The following MAST4 variants were observed in gnomAD, a reference collection of about 807,000 sequenced individuals.
MAST4 encodes microtubule-associated serine/threonine-protein kinase 4.
A neutral mutation model predicts 162.7 loss-of-function variants in MAST4; 89 were observed. That is an observed-to-expected ratio of 0.55 (90% CI 0.46 to 0.65). The LOEUF (loss-of-function observed/expected upper bound fraction) is 0.65, where lower values mean the gene tolerates loss of function less well. Ranked by LOEUF, MAST4 falls within the 30% of genes least tolerant of loss-of-function variation. The probability of loss-of-function intolerance (pLI) is 0.00; values close to 1 mark genes in which losing one functional copy is unlikely to be tolerated. For synonymous variants in MAST4, 1,479 were observed against 1,361.1 expected (o/e 1.09, Z -1.91); for missense variants, 3,153 against 3,374.0 (o/e 0.93, Z 1.62).
intron 9 of MAST4, 98 bp downstream of exon 9, chr5:67,102,709 T>C: frequency 1.1e-6 from 1 of 903,050 alleles, no homozygotes; most frequent in Non-Finnish European, 1.8e-6. Flanking sequence ...AAGGGTCCAA[T>C]CTAGTAATGA....
chr5:66,778,544 GT>G (rs1754706631), intron 2 of MAST4, among the ~76,000 whole-genome samples: 1 of 152,110 alleles, frequency 6.6e-6, no homozygotes, highest in Non-Finnish European at 1.5e-5. Context: ...AGAAGAAATA[GT>G]TTTTTTATGA....
chr5:66,983,602 A>C (rs1315674392), intron 4 of MAST4, among the ~76,000 whole-genome samples: 1 of 152,150 alleles, frequency 6.6e-6, no homozygotes, highest in Non-Finnish European at 1.5e-5. Context: ...TTTGAGGATC[A>C]TTAAGTACCA....
intron 1 of MAST4, among the ~76,000 whole-genome samples, chr5:66,717,707 T>C (rs547536007): frequency 2.0e-5 from 3 of 152,360 alleles, no homozygotes; most frequent in African/African-American, 7.2e-5. Context: ...CTTTCTAGCA[T>C]TGAAGTCTAA....
At position 67,169,200 on chromosome 5, in the gene MAST4, T is replaced by C. The variant is rs1774357270; in HGVS notation, c.*2149T>C. ...CAATTTCCTTTAAAGCACAACTAGC[T>C]ATTTGTTTACAAATGATATTTTTAT... is the stretch of plus-strand genomic sequence containing the variant. On this transcript the variant is annotated 3_prime_UTR_variant, in exon 29 of 29. Transcript: ENST00000403625. The C allele has an allele frequency of 6.6e-6, 1 of 152,268 alleles. No individual in the cohort carries two copies. The highest frequency in any genetic ancestry group is 2.4e-5 in the African/African-American group (1 of 41,476). 9.4% of individuals were successfully genotyped at this position (152,268 alleles called of 1,614,324 possible). A position where few individuals can be genotyped will look rare whatever the true frequency, so the allele number is the denominator to read the frequency against.
chr5:66,845,092 TATATATATATATATATATA>T lies in MAST4; in HGVS notation c.643-54858_643-54840del, dbSNP rs1561375751. 3.3e-4 allele frequency among the ~76,000 whole-genome samples: 22 copies of T among 66,130 alleles called. No individual in the cohort carries two copies. In the East Asian group the frequency reaches 0.013, roughly 39 times the overall value. 43.4% of individuals were successfully genotyped at this position (66,130 alleles called of 152,430 possible). A position where few individuals can be genotyped will look rare whatever the true frequency, so the allele number is the denominator to read the frequency against. On this transcript the variant is annotated intron_variant, in intron 3 of 28. Transcript: ENST00000403625. Reference sequence around the variant, plus strand: ...CATTAAGGTCACTAATCTTTATATATATATATATATATATATATATATATATATATATATACACACACAC... The same window carrying T: ...CATTAAGGTCACTAATCTTTATATATTATATATATATATATACACACACAC...
chr5:66,916,318 A>G (rs1391018240), intron 4 of MAST4, among the ~76,000 whole-genome samples: 3 of 152,152 alleles, frequency 2.0e-5, no homozygotes. Context: ...GCTGATACAC[A>G]GGGGGGAAAG....
At chr5:66,610,493 C>CTGTTTTCCCCT (rs11273208) in intron 1 of MAST4, among the ~76,000 whole-genome samples, 1 of 151,744 alleles carries the variant, frequency 6.6e-6, no homozygotes, top group African/African-American at 2.4e-5. Flanking sequence ...GTTTTACACC[C>CTGTTTTCCCCT]GAGAGGTTGA....
At position 67,165,197 on chromosome 5, in the gene MAST4, G is replaced by A. The variant is rs766974758; in HGVS notation, c.6018G>A (p.Ala2006=). 1.9e-5 allele frequency: 31 copies of A among 1,609,466 alleles called. No individual in the cohort carries two copies. Among genetic ancestry groups the A allele is most frequent in the East Asian group, 6.7e-5 (3 of 44,766 alleles). ...TGGAACTGTGCTTTCCAGAAACTGC[G>A]AAAACCAGTGACAACTCCAAAAATC... ...PSMELCFPET[A]KTSDNSKNLL... is the part of the protein sequence containing the mutation. Residue 2006 remains alanine (A), a synonymous_variant, in exon 29 of 29, where the codon GCG becomes GCA. Transcript: ENST00000403625.
At chr5:66,705,303 A>G (rs1172269571) in intron 1 of MAST4, among the ~76,000 whole-genome samples, 1 of 152,254 alleles carries the variant, frequency 6.6e-6, no homozygotes, top group Non-Finnish European at 1.5e-5. Context: ...GAGCATGTTT[A>G]GAATGATAAC....
chr5:66,797,716 G>A (rs1755720461), intron 3 of MAST4, among the ~76,000 whole-genome samples: 1 of 152,166 alleles, frequency 6.6e-6, no homozygotes, highest in Admixed American at 6.5e-5. Flanking sequence ...ACCTGCAGGT[G>A]TCTGGGAAAA....
chr5:66,847,751 G>A (rs1002020513), intron 3 of MAST4, among the ~76,000 whole-genome samples: 11 of 144,156 alleles, frequency 7.6e-5, no homozygotes, highest in Non-Finnish European at 1.4e-4. Flanking sequence ...AACTAGGGAG[G>A]CGGAAGTTGC....
chr5:66,861,834 C>A (rs994392219), intron 3 of MAST4, among the ~76,000 whole-genome samples: 3 of 152,136 alleles, frequency 2.0e-5, no homozygotes, highest in Non-Finnish European at 4.4e-5. Context: ...AGTGATTACA[C>A]CCCGGTAGAA....
intron 4 of MAST4, among the ~76,000 whole-genome samples, chr5:67,040,255 C>G (rs1032965099): frequency 6.6e-6 from 1 of 151,948 alleles, no homozygotes; most frequent in Non-Finnish European, 1.5e-5. Flanking sequence ...ATTTTGAAAT[C>G]CACTAAAAAA....
chr5:67,118,344 C>T (rs1160098575), intron 12 of MAST4, among the ~76,000 whole-genome samples: 1 of 152,190 alleles, frequency 6.6e-6, no homozygotes, highest in East Asian at 1.9e-4. Flanking sequence ...GAAAGATGTG[C>T]CTCTCTCAGA....
chr5:67,113,974 A>C lies in MAST4; in HGVS notation c.1459-113A>C, dbSNP rs879079411. ...AAGCCATTTGCCTCCTTTCTGCATA[A>C]GTAACTTACAGCCATGTATACCCAG... On this transcript the variant is annotated intron_variant, in intron 11 of 28. Coordinates refer to ENST00000403625, the MANE Select transcript of MAST4 (RefSeq NM_001164664.2). 3.4e-6 allele frequency: 4 copies of C among 1,172,040 alleles called. No homozygotes were observed. In the South Asian group the frequency reaches 4.4e-5, roughly 13 times the overall value. The allele number at this position is 1,172,040 out of a possible 1,614,324, so 72.6% of individuals were successfully genotyped here.
rs757323715 is a variant in MAST4, at chr5:67,134,678, A to G, written c.2382A>G (p.Gln794=). The change falls in exon 18 of 29, where the codon CAA becomes CAG. Residue 794 remains glutamine, a synonymous_variant. Transcript: ENST00000403625. ...ATACTCCAGAGGAGCTATTTGGACA[A>G]GTCATCAGTGGTAAATATCATCAGG... is the stretch of plus-strand genomic sequence containing the variant. The part of the protein sequence containing the change: ...FGDTPEELFG[Q]VISDEINWPE... 1.9e-6 allele frequency: 3 copies of G among 1,612,542 alleles called. No individual in the cohort carries two copies. The South Asian group carries it at 3.3e-5, about 18-fold the overall frequency.
chr5:66,616,801 T>G (rs1263875064), intron 1 of MAST4, among the ~76,000 whole-genome samples: 1 of 152,138 alleles, frequency 6.6e-6, no homozygotes, highest in Non-Finnish European at 1.5e-5. Flanking sequence ...ACAAGAAGAG[T>G]AAGACTTCCT....
chr5:67,071,391 A>G (rs1394609275), intron 5 of MAST4, among the ~76,000 whole-genome samples: 1 of 152,228 alleles, frequency 6.6e-6, no homozygotes, highest in Non-Finnish European at 1.5e-5. Flanking sequence ...GTAGATAGAT[A>G]AAATCATATA....
At chr5:66,785,644 T>C (rs924795014) in intron 2 of MAST4, among the ~76,000 whole-genome samples, 5 of 152,192 alleles carry the variant, frequency 3.3e-5, no homozygotes, top group Non-Finnish European at 7.3e-5. Context: ...AAAAAGGAAG[T>C]TTAAGAAAAT....
Sources: gnomAD v4.1 joint callset for allele counts (sites outside exome capture counted in the v4.1 genomes callset) on GRCh38, gnomAD v4.1.1 for gene constraint, MANE v1.5 for transcripts, NCBI Gene and HGNC (gene_info 2026-07-23, HGNC 2026-07-21) for gene names.